The following NAB1 variants were observed in gnomAD, a reference collection of about 807,000 sequenced individuals.
NAB1 encodes the protein NGFI-A-binding protein 1.
Under a neutral mutation model 49.9 loss-of-function variants are expected in NAB1, and 25 were observed. The ratio of observed to expected loss-of-function variants is 0.50; its 90% CI spans 0.37 to 0.70. The LOEUF is 0.70. NAB1 is among the 30% of genes least tolerant of loss of function. The pLI is 0.00. For missense variants in NAB1, 489 were observed against 575.9 expected (o/e 0.85, Z 1.54); for synonymous variants, 198 against 215.6 (o/e 0.92, Z 0.71).
rs1263207744 is a variant in NAB1 at position 190,667,467 on chromosome 2, TTAAAG to T, written c.820-2856_820-2852del. 6.6e-6 allele frequency among the ~76,000 whole-genome samples: 1 copy of T among 152,224 alleles called. No homozygotes were observed. The highest frequency in any genetic ancestry group is 2.4e-5 in the African/African-American group (1 of 41,454). On this transcript the variant is annotated intron_variant, in intron 4 of 9. Coordinates refer to ENST00000337386, the MANE Select transcript of NAB1 (RefSeq NM_005966.4). This position sits in a 1 kb window ranked among gnomAD's most constrained non-coding sequence, Gnocchi z 4.4. The stretch of plus-strand genomic sequence containing the variant: ...ACTGATTTATTTTGAATATCATTAT[TTAAAG>T]TATACATTTCACTTTTAACTCCAAT...
Position 190,690,433 on chromosome 2 carries a change from TCAAA to T in NAB1, c.*103_*106del. 1 of 911,044 alleles carries T rather than the reference TCAAA, an allele frequency of 1.1e-6. No homozygotes were observed. 56.4% of individuals were successfully genotyped at this position (911,044 alleles called of 1,614,324 possible). A position where few individuals can be genotyped will look rare whatever the true frequency, so the allele number is the denominator to read the frequency against. On this transcript the variant is annotated 3_prime_UTR_variant, in exon 10 of 10. Coordinates refer to ENST00000337386, the MANE Select transcript of NAB1 (RefSeq NM_005966.4). ...AATAACCAGTGTTGCCTCATTCAGCTCAAACAGATTTCATAGCCAAAGCAAAAGG... is the reference window on the plus strand; with the variant it reads ...AATAACCAGTGTTGCCTCATTCAGCTCAGATTTCATAGCCAAAGCAAAAGG...
At chr2:190,658,762 A>C (rs895088316) in intron 3 of NAB1, among the ~76,000 whole-genome samples, 2 of 152,250 alleles carry the variant, frequency 1.3e-5, no homozygotes, top group African/African-American at 4.8e-5. Flanking sequence ...CCTGGCACAA[A>C]GTAAGTATTC....
chr2:190,688,580 A>C (rs1695738611), intron 9 of NAB1, among the ~76,000 whole-genome samples: 2 of 152,218 alleles, frequency 1.3e-5, no homozygotes, highest in Non-Finnish European at 2.9e-5. Flanking sequence ...ACGACTTTTT[A>C]CCAATTTATA....
At chr2:190,687,139 T>C in intron 8 of NAB1, 62 bp from the exon 9 acceptor site, 1 of 1,115,368 alleles carries the variant, frequency 9.0e-7, no homozygotes, top group Non-Finnish European at 1.2e-6. Context: ...GCAAAATTTA[T>C]TTTTAAGAAA....
At position 190,692,702 on chromosome 2, in the gene NAB1, G is replaced by A. The variant is rs1057435688; in HGVS notation, c.*2369G>A. ...TGTCCACGTTTTTGTGACTCTTCAA[G>A]CTGTTGGTGAGGTGGGACGAATGCA... On this transcript the variant is annotated 3_prime_UTR_variant, in exon 10 of 10. Transcript: ENST00000337386. The surrounding 1 kb of genome is among the most constrained non-coding windows in gnomAD (Gnocchi z 5.2). 3.3e-5 allele frequency: 5 copies of A among 152,582 alleles called. No homozygotes were observed. Among genetic ancestry groups the A allele is most frequent in the African/African-American group, 1.2e-4 (5 of 41,428 alleles). 9.5% of individuals were successfully genotyped at this position (152,582 alleles called of 1,614,324 possible).
intron 6 of NAB1, among the ~76,000 whole-genome samples, chr2:190,683,327 G>GTTT (rs1695447199): frequency 2.1e-5 from 1 of 48,050 alleles, no homozygotes; most frequent in African/African-American, 1.2e-4. Context: ...TTTTTTTTTA[G>GTTT]TAGAGATGGG....
chr2:190,683,297 A>ATTTTTT lies in NAB1; in HGVS notation c.1006-418_1006-413dup, dbSNP rs767640681. ...TGGCGTGTGCTACCACTCCCAGCTAATTTTTTTTTTTTTTTTTTTTTTTTT... is the reference window on the plus strand; with the variant it reads ...TGGCGTGTGCTACCACTCCCAGCTAATTTTTTTTTTTTTTTTTTTTTTTTTTTTTTT... On this transcript the variant is annotated intron_variant, in intron 6 of 9. Transcript: ENST00000337386. 5.1e-4 allele frequency among the ~76,000 whole-genome samples: 39 copies of ATTTTTT among 76,138 alleles called. 4 individuals carry two copies. The highest frequency in any genetic ancestry group is 1.7e-3 in the African/African-American group (27 of 15,508). 49.9% of individuals were successfully genotyped at this position (76,138 alleles called of 152,430 possible).
rs1041834081 is a variant in NAB1, at chr2:190,666,956, A to G, written c.820-3370A>G. Among the ~76,000 whole-genome samples the G allele has an allele frequency of 6.6e-6, 1 of 152,152 alleles. No individual in the cohort carries two copies. Among genetic ancestry groups the G allele is most frequent in the Non-Finnish European group, 1.5e-5 (1 of 68,044 alleles). On this transcript the variant is annotated intron_variant, in intron 4 of 9. Coordinates refer to ENST00000337386, the MANE Select transcript of NAB1 (RefSeq NM_005966.4). This position sits in a 1 kb window ranked among gnomAD's most constrained non-coding sequence, Gnocchi z 5.6. ...TTCATTTTTCTTTTGTAATTATATC[A>G]TGATAGTTATTGATGTGTTCATTAT...
In NAB1 at chr2:190,659,028, C is replaced by T. The variant is rs1385095420; in HGVS notation, c.-19-130C>T. ...TGAGATAAAGTATGTAGAGAGAATGCTGCCTTCACAGGCAGTCACGATGCA... is the reference window on the plus strand; with the variant it reads ...TGAGATAAAGTATGTAGAGAGAATGTTGCCTTCACAGGCAGTCACGATGCA... On this transcript the variant is annotated intron_variant, in intron 3 of 9. Transcript: ENST00000337386. The surrounding 1 kb of genome is among the most constrained non-coding windows in gnomAD (Gnocchi z 6.2). The T allele has an allele frequency of 3.2e-6, 2 of 623,296 alleles. No homozygotes were observed. The highest frequency in any genetic ancestry group is 2.2e-5 in the South Asian group (1 of 46,434). 38.6% of individuals were successfully genotyped at this position (623,296 alleles called of 1,614,324 possible). A position where few individuals can be genotyped will look rare whatever the true frequency, so the allele number is the denominator to read the frequency against.
Position 190,676,711 on chromosome 2 carries a change from C to T in NAB1, c.1005+3559C>T, listed in dbSNP as rs961459484. On this transcript the variant is annotated intron_variant, in intron 6 of 9. Coordinates refer to ENST00000337386, the MANE Select transcript of NAB1 (RefSeq NM_005966.4). This position sits in a 1 kb window ranked among gnomAD's most constrained non-coding sequence, Gnocchi z 4.6. ...CAAAGGAAAAAAAGTTTTTAAGTAA[C>T]GTACAAATAAACTTAAGCTTAGCCC... Among the ~76,000 whole-genome samples, 4 of 152,136 alleles carry T rather than the reference C, an allele frequency of 2.6e-5. No homozygotes were observed. Among genetic ancestry groups the T allele is most frequent in the Admixed American group, 1.3e-4 (2 of 15,264 alleles).
chr2:190,689,519 G>A lies in NAB1; in HGVS notation c.1376-726G>A, dbSNP rs1375881038. ...AATCCAAGGTGTGAGTGTATGTGAT[G>A]TGGATGTTTGCATGTATATGTGTGT... On this transcript the variant is annotated intron_variant, in intron 9 of 9. Transcript: ENST00000337386. The surrounding 1 kb of genome is among the most constrained non-coding windows in gnomAD (Gnocchi z 4.3). 6.6e-6 allele frequency among the ~76,000 whole-genome samples: 1 copy of A among 152,178 alleles called. No individual in the cohort carries two copies. Among genetic ancestry groups the A allele is most frequent in the Non-Finnish European group, 1.5e-5 (1 of 68,026 alleles).
Position 190,659,798 on chromosome 2 carries a change from C to G in NAB1, c.622C>G (p.Pro208Ala). ...SVAECVERMAPTLPKSDLNEV... is the reference protein window; with the variant it reads ...SVAECVERMAATLPKSDLNEV... ...GGCTGAGTGTGTGGAGCGGATGGCC[C>G]CCACACTGCCAAAAAGTGACTTGAA... Residue 208 changes from proline to alanine, a missense_variant, in exon 4 of 10, where the codon CCC becomes GCC. Around this residue, in one of 4 missense-constraint regions of NAB1, gnomAD observed 204 missense variants for 220.9 expected, o/e 0.92. Transcript: ENST00000337386. This position sits in a 1 kb window ranked among gnomAD's most constrained non-coding sequence, Gnocchi z 6.2. The G allele has an allele frequency of 6.2e-7, 1 of 1,614,124 alleles. No individual in the cohort carries two copies. Among genetic ancestry groups the G allele is most frequent in the South Asian group, 1.1e-5 (1 of 91,080 alleles).
Position 190,690,916 on chromosome 2 carries a change from T to C in NAB1, c.*583T>C, listed in dbSNP as rs2125911667. On this transcript the variant is annotated 3_prime_UTR_variant, in exon 10 of 10. Transcript: ENST00000337386. The stretch of plus-strand genomic sequence containing the variant: ...GGATTTAATATTTGATAAAACTGAT[T>C]TTGTTTAACAGGAAATTTTTAGCAT... 6.6e-6 allele frequency: 1 copy of C among 152,580 alleles called. No individual in the cohort carries two copies. The highest frequency in any genetic ancestry group is 2.1e-4 in the South Asian group (1 of 4,834). The allele number at this position is 152,580 out of a possible 1,614,324, so 9.5% of individuals were successfully genotyped here.
At position 190,659,806 on chromosome 2, in the gene NAB1, G is replaced by T. The variant is rs1466810197; in HGVS notation, c.630G>T (p.Leu210=). 3.7e-6 allele frequency: 6 copies of T among 1,614,052 alleles called. No individual in the cohort carries two copies. Among genetic ancestry groups the T allele is most frequent in the Non-Finnish European group, 5.1e-6 (6 of 1,180,020 alleles). The part of the protein sequence containing the change: ...AECVERMAPT[L]PKSDLNEVKE... The stretch of plus-strand genomic sequence containing the variant: ...GTGTGGAGCGGATGGCCCCCACACT[G>T]CCAAAAAGTGACTTGAATGAAGTGA... The change falls in exon 4 of 10, where the codon CTG becomes CTT. Residue 210 remains leucine (L), a synonymous_variant. Coordinates refer to ENST00000337386, the MANE Select transcript of NAB1 (RefSeq NM_005966.4). This position sits in a 1 kb window ranked among gnomAD's most constrained non-coding sequence, Gnocchi z 6.2.
In NAB1 at chr2:190,670,924, C is replaced by T. The variant is rs1160481878; in HGVS notation, c.953+465C>T. 6.6e-6 allele frequency among the ~76,000 whole-genome samples: 1 copy of T among 152,162 alleles called. No individual in the cohort carries two copies. The highest frequency in any genetic ancestry group is 1.5e-5 in the Non-Finnish European group (1 of 68,030). ...GTATCTAAGGGAAAATTGAAAGATA[C>T]TTCTATTACTAGCACATGGGTTATG... On this transcript the variant is annotated intron_variant, in intron 5 of 9. Transcript: ENST00000337386. The surrounding 1 kb of genome is among the most constrained non-coding windows in gnomAD (Gnocchi z 5.3).
At chr2:190,655,739 C>T (rs1379542019) in intron 2 of NAB1, among the ~76,000 whole-genome samples, 7 of 152,132 alleles carry the variant, frequency 4.6e-5, no homozygotes, top group South Asian at 4.1e-4. Context: ...TTTTCCATAG[C>T]GAAACAGGAG....
rs1693996231 is a variant in NAB1, at chr2:190,657,671, G to A, written c.-19-1487G>A. Among the ~76,000 whole-genome samples the A allele has an allele frequency of 6.6e-6, 1 of 152,180 alleles. No individual in the cohort carries two copies. ...CAAAACAGATGTGGATGACACAGAG[G>A]TTCCAGGAGATGGGACTTCCGGTAG... On this transcript the variant is annotated intron_variant, in intron 3 of 9. Transcript: ENST00000337386. The surrounding 1 kb of genome is among the most constrained non-coding windows in gnomAD (Gnocchi z 4.4).
rs1414559817 is a variant in NAB1 at position 190,685,721 on chromosome 2, T to G, written c.1258+83T>G. 2 of 1,109,698 alleles carry G rather than the reference T, an allele frequency of 1.8e-6. No individual in the cohort carries two copies. The highest frequency in any genetic ancestry group is 2.4e-6 in the Non-Finnish European group (2 of 837,980). The allele number at this position is 1,109,698 out of a possible 1,614,324, so 68.7% of individuals were successfully genotyped here. A position where few individuals can be genotyped will look rare whatever the true frequency, so the allele number is the denominator to read the frequency against. Reference sequence around the variant, plus strand: ...CAGAAGACAGTGGCTGATTTTTAAATTATGATATTTTGTAGAGATTATTTT... The same window carrying G: ...CAGAAGACAGTGGCTGATTTTTAAAGTATGATATTTTGTAGAGATTATTTT... On this transcript the variant is annotated intron_variant, in intron 8 of 9. Coordinates refer to ENST00000337386, the MANE Select transcript of NAB1 (RefSeq NM_005966.4). The surrounding 1 kb of genome is among the most constrained non-coding windows in gnomAD (Gnocchi z 4.5).
Position 190,678,946 on chromosome 2 carries a change from G to A in NAB1, c.1006-4792G>A, listed in dbSNP as rs780159898. 1.4e-4 allele frequency among the ~76,000 whole-genome samples: 21 copies of A among 152,154 alleles called. No homozygotes were observed. The highest frequency in any genetic ancestry group is 2.9e-4 in the Non-Finnish European group (20 of 68,014). ...GCTTTAAAGCAGCTTGCTAGTGTTC[G>A]GCAGAAAGGATGAGGAGGCATGGGG... On this transcript the variant is annotated intron_variant, in intron 6 of 9. Coordinates refer to ENST00000337386, the MANE Select transcript of NAB1 (RefSeq NM_005966.4). This position sits in a 1 kb window ranked among gnomAD's most constrained non-coding sequence, Gnocchi z 4.9.
Sources: gnomAD v4.1 joint callset for allele counts (sites outside exome capture counted in the v4.1 genomes callset) on GRCh38, gnomAD v4.1.1 for gene constraint, gnomAD v4.1.1 regional missense constraint, Gnocchi (gnomAD v3.1) non-coding constraint, MANE v1.5 for transcripts, NCBI Gene and HGNC (gene_info 2026-07-23, HGNC 2026-07-21) for gene names.